Variants in EFCAB8 observed in about 807,000 individuals in gnomAD.
The protein encoded by EFCAB8 is EF-hand calcium-binding domain-containing protein 8.
EFCAB8 carries 100 observed loss-of-function variants against 116.3 expected under a neutral mutation model. The ratio of observed to expected loss-of-function variants is 0.86; its 90% CI spans 0.73 to 1.02. The LOEUF is 1.02. Among genes scored for constraint, EFCAB8 ranks in the 50% least tolerant of loss-of-function variants. The pLI is 0.00. For synonymous variants in EFCAB8, 558 were observed against 567.9 expected (o/e 0.98, Z 0.25); for missense variants, 1,320 against 1,416.9 (o/e 0.93, Z 1.10).
intron 1 of EFCAB8, among the ~76,000 whole-genome samples, chr20:32,860,494 T>A (rs1001383144): frequency 6.2e-5 from 2 of 32,264 alleles, no homozygotes; most frequent in East Asian, 6.5e-4. Context: ...TGGTGGTAAC[T>A]TTTTTTTTTT....
At position 32,893,172 on chromosome 20, in the gene EFCAB8, A is replaced by G. The variant is rs1568914067; in HGVS notation, c.759-2A>G. Reference sequence around the variant, plus strand: ...ACCTCTTCCGTCTCCATCTTTCTGCAGGTCTGACTATCACAGAGGTGTGTT... The same window carrying G: ...ACCTCTTCCGTCTCCATCTTTCTGCGGGTCTGACTATCACAGAGGTGTGTT... On this transcript the variant is annotated splice_acceptor_variant, in intron 8 of 26. Transcript: ENST00000400522. LOFTEE classifies it high-confidence loss of function. The G allele has an allele frequency of 6.4e-7, 1 of 1,551,812 alleles. No homozygotes were observed. Among genetic ancestry groups the G allele is most frequent in the Admixed American group, 2.0e-5 (1 of 50,994 alleles).
At chr20:32,889,102 T>C (rs1985781766) in intron 6 of EFCAB8, among the ~76,000 whole-genome samples, 199 bp from the exon 7 acceptor site, 1 of 152,132 alleles carries the variant, frequency 6.6e-6, no homozygotes, top group South Asian at 2.1e-4. Context: ...TTTAAGCCCA[T>C]TTTACGAATG....
intron 2 of EFCAB8, among the ~76,000 whole-genome samples, chr20:32,866,564 A>C (rs1984412156): frequency 6.6e-6 from 1 of 151,762 alleles, no homozygotes. Flanking sequence ...AGAAGGGGGA[A>C]GTGAGGGAGA....
chr20:32,896,272 C>A (rs1319166912), intron 9 of EFCAB8, among the ~76,000 whole-genome samples, 182 bp from the exon 10 acceptor site: 1 of 152,162 alleles, frequency 6.6e-6, no homozygotes, highest in Non-Finnish European at 1.5e-5. Flanking sequence ...AGTCTTTTTC[C>A]TGGGGTGGGG....
chr20:32,876,244 C>A (rs975220549), intron 4 of EFCAB8, among the ~76,000 whole-genome samples, 200 bp downstream of exon 4: 1 of 152,200 alleles, frequency 6.6e-6, no homozygotes, highest in Non-Finnish European at 1.5e-5. Context: ...GCAGCTCATT[C>A]CCCAGGGACA....
At chr20:32,875,129 T>C (rs888492366) in intron 3 of EFCAB8, among the ~76,000 whole-genome samples, 1 of 152,208 alleles carries the variant, frequency 6.6e-6, no homozygotes, top group Non-Finnish European at 1.5e-5. Flanking sequence ...AGTTGGTCTT[T>C]TTTAGTGCCT....
chr20:32,898,522 C>G lies in EFCAB8; in HGVS notation c.987C>G (p.Val329=), dbSNP rs1403201266. 1 of 718,572 alleles carries G rather than the reference C, an allele frequency of 1.4e-6. No homozygotes were observed. Among genetic ancestry groups the G allele is most frequent in the Admixed American group, 2.0e-5 (1 of 50,020 alleles). The allele number at this position is 718,572 out of a possible 1,614,324, so 44.5% of individuals were successfully genotyped here. ...KALHPNWCEQ[V]KFIPQMNVVV... is the part of the protein sequence containing the mutation. ...TCCATCCCAACTGGTGTGAGCAGGT[C>G]AAGTTCATCCCCCAGATGAATGTGG... The change falls in exon 11 of 27, where the codon GTC becomes GTG. Residue 329 remains valine (V), a synonymous_variant. Transcript: ENST00000400522.
At chr20:32,872,923 C>T (rs1984758095) in intron 3 of EFCAB8, among the ~76,000 whole-genome samples, 1 of 151,958 alleles carries the variant, frequency 6.6e-6, no homozygotes, top group East Asian at 1.9e-4. Context: ...GAAACCCTGT[C>T]TCTACTAAAA....
chr20:32,878,153 C>T (rs1407499759), intron 4 of EFCAB8, among the ~76,000 whole-genome samples: 1 of 152,136 alleles, frequency 6.6e-6, no homozygotes, highest in Non-Finnish European at 1.5e-5. Flanking sequence ...GTGGTCCCAG[C>T]TACTCAGGAG....
Position 32,961,384 on chromosome 20 carries a change from C to T in EFCAB8, c.3642C>T (p.Asp1214=), listed in dbSNP as rs1398230492. 4.8e-6 allele frequency: 7 copies of T among 1,459,670 alleles called. No homozygotes were observed. The East Asian group carries it at 1.7e-4, about 36-fold the overall frequency. 90.4% of individuals were successfully genotyped at this position (1,459,670 alleles called of 1,614,324 possible). The change falls in exon 27 of 27, where the codon GAC becomes GAT. Residue 1214 remains aspartate, a synonymous_variant. Coordinates refer to ENST00000400522, the MANE Select transcript of EFCAB8 (RefSeq NM_001143967.2). ...SVTASASRLL[D]SSLPTFLTPQ... ...CTGCCTCAGCCTCCAGGCTGCTGGA[C>T]TCCAGCTTGCCCACCTTCCTGACGC...
At chr20:32,958,909 T>G (rs1415643267) in intron 24 of EFCAB8, among the ~76,000 whole-genome samples, 1 of 151,886 alleles carries the variant, frequency 6.6e-6, no homozygotes, top group Non-Finnish European at 1.5e-5. Flanking sequence ...GGCAGAGGAG[T>G]GCTCAGGCCC....
intron 20 of EFCAB8, among the ~76,000 whole-genome samples, chr20:32,921,385 G>GTGTGTT (rs1173544644): frequency 6.9e-6 from 1 of 145,874 alleles, no homozygotes; most frequent in African/African-American, 2.5e-5. Context: ...GTGTGTGTGT[G>GTGTGTT]TGTGTGTTTT....
At chr20:32,944,269 G>A (rs1988511253) in intron 23 of EFCAB8, among the ~76,000 whole-genome samples, 1 of 151,894 alleles carries the variant, frequency 6.6e-6, no homozygotes, top group Non-Finnish European at 1.5e-5. Flanking sequence ...CTTCCTATGT[G>A]TTTGTTTGTT....
intron 15 of EFCAB8, 92 bp downstream of exon 15, chr20:32,910,023 C>T (rs563003639): frequency 1.2e-5 from 7 of 571,046 alleles, no homozygotes; most frequent in Non-Finnish European, 1.3e-5. Flanking sequence ...GGTCTGTAGT[C>T]AGCTCCCATG....
At chr20:32,894,967 T>G (rs1312684444) in intron 9 of EFCAB8, among the ~76,000 whole-genome samples, 1 of 152,384 alleles carries the variant, frequency 6.6e-6, no homozygotes, top group East Asian at 1.9e-4. Context: ...AGCTTCCTCC[T>G]GCCCTTGCAA....
chr20:32,942,411 G>A (rs1988434721), intron 22 of EFCAB8, among the ~76,000 whole-genome samples: 1 of 151,580 alleles, frequency 6.6e-6, no homozygotes, highest in African/African-American at 2.4e-5. Context: ...ATTAGGTTGG[G>A]CATGGTAGAT....
chr20:32,910,268 A>G (rs1986860691), intron 15 of EFCAB8, among the ~76,000 whole-genome samples: 1 of 152,118 alleles, frequency 6.6e-6, no homozygotes, highest in African/African-American at 2.4e-5. Context: ...GCGCTTTCCT[A>G]GGTTCCCAGA....
chr20:32,943,674 G>A lies in EFCAB8; in HGVS notation c.2829G>A (p.Thr943=), dbSNP rs965629208. ...AGHTISLVPP[T]LLMTWKGHLN... is the part of the protein sequence containing the mutation. Reference sequence around the variant, plus strand: ...ATACCATTTCCCTGGTTCCCCCCACGCTCCTGATGACCTGGAAAGGCCATT... The same window carrying A: ...ATACCATTTCCCTGGTTCCCCCCACACTCCTGATGACCTGGAAAGGCCATT... Residue 943 remains threonine (T), a synonymous_variant, in exon 23 of 27, where the codon ACG becomes ACA. Transcript: ENST00000400522. 2.4e-5 allele frequency: 10 copies of A among 416,970 alleles called. No individual in the cohort carries two copies. The highest frequency in any genetic ancestry group is 6.2e-5 in the African/African-American group (3 of 48,680). 25.8% of individuals were successfully genotyped at this position (416,970 alleles called of 1,614,324 possible).
chr20:32,959,722 G>A, intron 24 of EFCAB8, 56 bp from the exon 25 acceptor site: 8 of 1,326,944 alleles, frequency 6.0e-6, no homozygotes, highest in African/African-American at 1.5e-5. Flanking sequence ...GTTTCTGGGA[G>A]GGTCACCCTG....
Sources: gnomAD v4.1 joint callset for allele counts (sites outside exome capture counted in the v4.1 genomes callset) on GRCh38, gnomAD v4.1.1 for gene constraint, MANE v1.5 for transcripts, NCBI Gene and HGNC (gene_info 2026-07-23, HGNC 2026-07-21) for gene names.